ADGRB3: variants seen among roughly 807,000 people sequenced by gnomAD.
ADGRB3 encodes the protein adhesion G protein-coupled receptor B3, also known as brain-specific angiogenesis inhibitor 3.
A neutral mutation model predicts 193.4 loss-of-function variants in ADGRB3; 37 were observed. That is an observed-to-expected ratio of 0.19 (90% CI 0.15 to 0.25). ADGRB3 has a LOEUF of 0.25. Among genes scored for constraint, ADGRB3 ranks in the 10% least tolerant of loss-of-function variants. The pLI, the probability that ADGRB3 is intolerant of heterozygous loss-of-function variation, is 1.00. For synonymous variants in ADGRB3, 690 were observed against 644.2 expected, an observed-to-expected ratio of 1.07 and a Z score of -1.08; for missense variants, 1,637 against 1,852.9, an observed-to-expected ratio of 0.88 and a Z score of 2.14.
rs562620811 is a variant in ADGRB3 at position 69,341,664 on chromosome 6, G to A, written c.3459+2160G>A. Among the ~76,000 whole-genome samples, 8 of 152,122 alleles carry A rather than the reference G, an allele frequency of 5.3e-5. No homozygotes were observed. The East Asian group carries it at 1.5e-3, about 29-fold the overall frequency. ...TAGACCAAAGGAGTAGAAATTAAGAGGAAATTGAATAATAATTTAGCTTAT... is the reference window on the plus strand; with the variant it reads ...TAGACCAAAGGAGTAGAAATTAAGAAGAAATTGAATAATAATTTAGCTTAT... On this transcript the variant is annotated intron_variant, in intron 26 of 31. Transcript: ENST00000370598.
At chr6:69,362,209 A>G (rs1769468871) in intron 29 of ADGRB3, among the ~76,000 whole-genome samples, 2 of 151,980 alleles carry the variant, frequency 1.3e-5, no homozygotes, top group Admixed American at 1.3e-4. Context: ...AAAAGCAAAG[A>G]GTAAACTCGT....
In ADGRB3 at chr6:68,993,909, G is replaced by C. The variant is rs1769311379; in HGVS notation, c.1876G>C (p.Val626Leu). 1 of 1,613,886 alleles carries C rather than the reference G, an allele frequency of 6.2e-7. No individual in the cohort carries two copies. The highest frequency in any genetic ancestry group is 8.5e-7 in the Non-Finnish European group (1 of 1,179,856). Reference sequence around the variant, plus strand: ...GATGTCTGTGGAGATCCTGAGAAATGTGACAGACACATTTAAAAGGGCAAG... The same window carrying C: ...GATGTCTGTGGAGATCCTGAGAAATCTGACAGACACATTTAAAAGGGCAAG... ...LLMSVEILRNVTDTFKRASYI... is the reference protein window; with the variant it reads ...LLMSVEILRNLTDTFKRASYI... The change falls in exon 11 of 32, where the codon GTG becomes CTG. Residue 626 changes from valine (V) to leucine (L), a missense_variant. This residue lies in a region of ADGRB3 where 641 missense variants were observed against 673.9 expected (regional missense o/e 0.95). Coordinates refer to ENST00000370598, the MANE Select transcript of ADGRB3 (RefSeq NM_001704.3).
intron 3 of ADGRB3, among the ~76,000 whole-genome samples, chr6:68,783,613 G>A (rs1766902943): frequency 6.6e-6 from 1 of 151,696 alleles, no homozygotes; most frequent in South Asian, 2.1e-4. Context: ...AGATCTGTTG[G>A]AGGGATAGTA....
At chr6:68,897,798 A>G (rs1582295469) in intron 3 of ADGRB3, among the ~76,000 whole-genome samples, 1 of 150,186 alleles carries the variant, frequency 6.7e-6, no homozygotes, top group African/African-American at 2.4e-5. Context: ...GGGGAAAGAG[A>G]AACAGAAAGA....
intron 3 of ADGRB3, among the ~76,000 whole-genome samples, chr6:68,788,541 C>T (rs1767026000): frequency 6.6e-6 from 1 of 152,108 alleles, no homozygotes; most frequent in Non-Finnish European, 1.5e-5. Context: ...AATTTCTGTT[C>T]TTTTACATTT....
chr6:69,113,481 TAA>T (rs934961897), intron 17 of ADGRB3, among the ~76,000 whole-genome samples: 3 of 152,150 alleles, frequency 2.0e-5, no homozygotes, highest in Non-Finnish European at 4.4e-5. Context: ...CTAAAAAAAC[TAA>T]AGTTATAATT....
Position 68,638,834 on chromosome 6 carries a change from A to G in ADGRB3, c.159A>G (p.Thr53=), listed in dbSNP as rs144002623. Residue 53 remains threonine (T), a synonymous_variant, in exon 3 of 32, where the codon ACA becomes ACG. Coordinates refer to ENST00000370598, the MANE Select transcript of ADGRB3 (RefSeq NM_001704.3). ...GTGAAATGTTTCCTAAAAACTTTAC[A>G]AACTGCACTTGGACGCTGGAAAATC... The part of the protein sequence containing the change: ...SVSEMFPKNF[T]NCTWTLENPD... 363 of 1,614,044 alleles carry G rather than the reference A, an allele frequency of 2.2e-4. No individual in the cohort carries two copies. The highest frequency in any genetic ancestry group is 2.8e-4 in the Non-Finnish European group (326 of 1,180,032).
intron 17 of ADGRB3, among the ~76,000 whole-genome samples, chr6:69,081,591 G>GT (rs1382080444): frequency 1.3e-5 from 2 of 151,792 alleles, no homozygotes; most frequent in South Asian, 2.1e-4. Context: ...ATTTTTTGAA[G>GT]TTTTTTCATA....
intron 20 of ADGRB3, among the ~76,000 whole-genome samples, chr6:69,268,937 A>G (rs11962483): frequency 0.029 from 4,419 of 152,224 alleles, 190 homozygotes; most frequent in African/African-American, 0.1. Flanking sequence ...ATGTTTCACA[A>G]GTGCACTTTG....
At chr6:68,822,064 C>T (rs1296184934) in intron 3 of ADGRB3, among the ~76,000 whole-genome samples, 6 of 151,788 alleles carry the variant, frequency 4.0e-5, no homozygotes, top group Admixed American at 3.3e-4. Context: ...CAATCAAATT[C>T]AGTAAGCCTA....
intron 17 of ADGRB3, among the ~76,000 whole-genome samples, chr6:69,159,516 C>T (rs1382640780): frequency 1.3e-5 from 2 of 152,046 alleles, no homozygotes; most frequent in Non-Finnish European, 2.9e-5. Context: ...TCAGTGAGTT[C>T]TTCTAGTTGG....
chr6:68,638,932 T>C lies in ADGRB3; in HGVS notation c.257T>C (p.Leu86Pro), dbSNP rs534128589. ...CTTAGCTGCTCTAACTTTTCACTCC[T>C]GGCTTATCAGTTTGATCATTTTTCC... Reference protein sequence around the residue: ...KDLSCSNFSLLAYQFDHFSHE... With the variant: ...KDLSCSNFSLPAYQFDHFSHE... Residue 86 changes from leucine (L) to proline (P), a missense_variant, in exon 3 of 32, where the codon CTG (leucine) becomes CCG (proline). By Grantham distance (98) the Leu-to-Pro change is moderately conservative. Transcript: ENST00000370598. 6.2e-7 allele frequency: 1 copy of C among 1,614,172 alleles called. No homozygotes were observed. Among genetic ancestry groups the C allele is most frequent in the African/African-American group, 1.3e-5 (1 of 75,058 alleles).
At chr6:69,153,783 G>A (rs2880593) in intron 17 of ADGRB3, among the ~76,000 whole-genome samples, 17,761 of 152,126 alleles carry the variant, frequency 0.12, 1,114 homozygotes, top group African/African-American at 0.14. Context: ...CACGAGGTCA[G>A]GAGATCGAGA....
intron 3 of ADGRB3, among the ~76,000 whole-genome samples, chr6:68,697,800 T>C (rs980943960): frequency 3.9e-5 from 6 of 152,000 alleles, no homozygotes; most frequent in African/African-American, 1.2e-4. Context: ...CTCTTTGCTG[T>C]TGAAGACTTT....
At chr6:68,754,848 G>C (rs530976908) in intron 3 of ADGRB3, among the ~76,000 whole-genome samples, 1 of 152,092 alleles carries the variant, frequency 6.6e-6, no homozygotes, top group Non-Finnish European at 1.5e-5. Flanking sequence ...GGAGTGACAG[G>C]GCTGTGGGAT....
rs537383742 is a variant in ADGRB3, at chr6:68,642,257, A to G, written c.757+2825A>G. On this transcript the variant is annotated intron_variant, in intron 3 of 31. Transcript: ENST00000370598. ...TTTGAAGAGTCTTCACACTTAGTAG[A>G]TGTGATTCCAGATTGTTTTGTGTAA... Among the ~76,000 whole-genome samples the G allele has an allele frequency of 3.3e-5, 5 of 152,238 alleles. No homozygotes were observed. In the East Asian group the frequency reaches 7.7e-4, roughly 23 times the overall value.
intron 20 of ADGRB3, among the ~76,000 whole-genome samples, chr6:69,283,684 TCATAAAAAA>T (rs1767488645): frequency 1.3e-5 from 2 of 151,578 alleles, no homozygotes; most frequent in Non-Finnish European, 2.9e-5. Flanking sequence ...TTACAAAGAG[TCATAAAAAA>T]TTGGTTCACT....
chr6:69,167,579 T>A (rs2150346702), intron 17 of ADGRB3, among the ~76,000 whole-genome samples: 1 of 152,270 alleles, frequency 6.6e-6, no homozygotes, highest in East Asian at 1.9e-4. Context: ...TTTCCAGTTT[T>A]GTTTTTGTTT....
intron 31 of ADGRB3, among the ~76,000 whole-genome samples, chr6:69,384,933 C>A: frequency 6.7e-6 from 1 of 148,572 alleles, no homozygotes; most frequent in African/African-American, 2.5e-5. Context: ...TTTAAAACCT[C>A]AAATAAAGGG....
Sources: allele counts gnomAD v4.1 joint callset (sites outside exome capture counted in the v4.1 genomes callset), GRCh38; gene constraint gnomAD v4.1.1; regional missense constraint gnomAD v4.1.1; transcripts MANE v1.5; gene names NCBI Gene and HGNC (gene_info 2026-07-23, HGNC 2026-07-21).